The following FER1L5 variants were observed in gnomAD, a reference collection of about 807,000 sequenced individuals.
FER1L5 encodes fer-1-like protein 5.
Under a neutral mutation model 279.9 loss-of-function variants are expected in FER1L5, and 187 were observed. The ratio of observed to expected loss-of-function variants is 0.67; its 90% confidence interval spans 0.59 to 0.75. The LOEUF is 0.75. Ranked by LOEUF, FER1L5 falls within the 30% of genes least tolerant of loss-of-function variation. The probability of loss-of-function intolerance (pLI) is 0.00; values close to 1 mark genes in which losing one functional copy is unlikely to be tolerated. For synonymous variants in FER1L5, 921 were observed against 989.7 expected (o/e 0.93, Z 1.30); for missense variants, 2,091 against 2,594.4 (o/e 0.81, Z 4.21).
intron 19 of FER1L5, among the ~76,000 whole-genome samples, chr2:96,674,989 A>G (rs1296427482): frequency 1.3e-5 from 2 of 152,184 alleles, no homozygotes; most frequent in Non-Finnish European, 2.9e-5. Flanking sequence ...TTTCTTTTTA[A>G]TTCTTCACCT....
In FER1L5 at chr2:96,702,872, C is replaced by G; in HGVS notation, c.5398-106C>G. 3 of 1,529,490 alleles carry G rather than the reference C, an allele frequency of 2.0e-6. No individual in the cohort carries two copies. Among genetic ancestry groups the G allele is most frequent in the Non-Finnish European group, 1.8e-6 (2 of 1,130,716 alleles). 94.7% of individuals were successfully genotyped at this position (1,529,490 alleles called of 1,614,324 possible). ...TCAGAAACATGTCCTCAGGTGGAAA[C>G]CCTCTTCCTTGATAGTCTATCACTG... is the stretch of plus-strand genomic sequence containing the variant. On this transcript the variant is annotated intron_variant, in intron 48 of 52. Transcript: ENST00000624922. The surrounding 1 kb of genome is among the most constrained non-coding windows in gnomAD (Gnocchi z 4.0).
chr2:96,652,232 A>G, intron 7 of FER1L5: 1 of 617,896 alleles, frequency 1.6e-6, no homozygotes, highest in Admixed American at 3.0e-5. Context: ...GTGGGGGCAC[A>G]ACTCATGAAT....
Position 96,703,376 on chromosome 2 carries a change from GGCT to G in FER1L5, c.5691+34_5691+36del. On this transcript the variant is annotated intron_variant, in intron 50 of 52. Transcript: ENST00000624922. The stretch of plus-strand genomic sequence containing the variant: ...GAGCTGGGGAGTGTCTACTGATTAG[GGCT>G]GCTATGCCACATGTCCTGGCTCTAA... The G allele has an allele frequency of 2.5e-6, 4 of 1,599,752 alleles. No homozygotes were observed. The South Asian group carries it at 3.4e-5, about 14-fold the overall frequency.
At chr2:96,680,116 C>T (rs945226807) in intron 19 of FER1L5, among the ~76,000 whole-genome samples, 1 of 152,040 alleles carries the variant, frequency 6.6e-6, no homozygotes, top group African/African-American at 2.4e-5. Context: ...GTCACAGTTG[C>T]TTTTGGCAGT....
chr2:96,692,226 G>A, intron 31 of FER1L5, 45 bp downstream of exon 31: 2 of 1,543,782 alleles, frequency 1.3e-6, no homozygotes, highest in Non-Finnish European at 1.8e-6. Context: ...CAAGGCCTCA[G>A]GGAGGAGAGC....
intron 34 of FER1L5, 187 bp from the exon 35 acceptor site, chr2:96,695,322 G>A: frequency 2.7e-6 from 2 of 751,360 alleles, no homozygotes; most frequent in South Asian, 2.2e-5. Flanking sequence ...GGCAAGCACT[G>A]ATCCCTCACA....
chr2:96,673,089 C>T lies in FER1L5; in HGVS notation c.1504C>T (p.Arg502Cys), dbSNP rs973797788. 29 of 1,551,158 alleles carry T rather than the reference C, an allele frequency of 1.9e-5. No individual in the cohort carries two copies. The highest frequency in any genetic ancestry group is 2.4e-5 in the East Asian group (1 of 40,926). The change falls in exon 19 of 53, where the codon CGC becomes TGC. Residue 502 changes from arginine (R) to cysteine (C), a missense_variant. Coordinates refer to ENST00000624922, the MANE Select transcript of FER1L5 (RefSeq NM_001293083.2). ...EVTRIEKHQN[R>C]QKYGLCVIFL... ...GTTATTGTTTCAGAAGCACCAGAAC[C>T]GCCAAAAGTATGGGCTGTGCGTCAT...
chr2:96,673,258 A>G lies in FER1L5; in HGVS notation c.1669+4A>G. ...TACAGCCCAGTGATATATGATGGTAATTGTCAGATTCAGGCAATAAGTAGA... is the reference window on the plus strand; with the variant it reads ...TACAGCCCAGTGATATATGATGGTAGTTGTCAGATTCAGGCAATAAGTAGA... On this transcript the variant is annotated splice_donor_region_variant and intron_variant, in intron 19 of 52. Coordinates refer to ENST00000624922, the MANE Select transcript of FER1L5 (RefSeq NM_001293083.2). 1 of 1,546,766 alleles carries G rather than the reference A, an allele frequency of 6.5e-7. No homozygotes were observed. Among genetic ancestry groups the G allele is most frequent in the East Asian group, 2.4e-5 (1 of 40,820 alleles).
chr2:96,651,959 C>T lies in FER1L5; in HGVS notation c.572C>T (p.Ser191Phe). The T allele has an allele frequency of 6.4e-7, 1 of 1,551,916 alleles. No homozygotes were observed. The highest frequency in any genetic ancestry group is 8.7e-7 in the Non-Finnish European group (1 of 1,147,026). ...GNNIKPVVKV[S>F]IAGQQHQTRI... is the part of the protein sequence containing the mutation. ...AACATCAAACCAGTGGTGAAGGTGT[C>T]CATCGCAGGCCAGCAGCACCAGACA... is the stretch of plus-strand genomic sequence containing the variant. The change falls in exon 7 of 53, where the codon TCC (serine) becomes TTC (phenylalanine). Residue 191 changes from serine (S) to phenylalanine (F), a missense_variant. Physicochemically the swap from Ser to Phe is radical, Grantham distance 155 (BLOSUM62 -2). Transcript: ENST00000624922.
chr2:96,659,778 A>T (rs2075888438), intron 9 of FER1L5, among the ~76,000 whole-genome samples: 1 of 152,032 alleles, frequency 6.6e-6, no homozygotes, highest in African/African-American at 2.4e-5. Context: ...GGCGTGAGCC[A>T]CTGCGTCCGG....
In FER1L5 at chr2:96,662,222, C is replaced by G; in HGVS notation, c.1026C>G (p.His342Gln). ...YCAEDLHLKK[H>Q]QSVNPQLEVE... ...TTAACTTGTTGTTCATAGAGAAACA[C>G]CAGTCAGTGAATCCTCAGTTGGAGG... Residue 342 changes from histidine (H) to glutamine (Q), a missense_variant, in exon 13 of 53, where the codon CAC becomes CAG. Transcript: ENST00000624922. 6.4e-7 allele frequency: 1 copy of G among 1,551,478 alleles called. No homozygotes were observed. The highest frequency in any genetic ancestry group is 1.4e-5 in the African/African-American group (1 of 73,114).
chr2:96,693,886 T>C (rs1309864054), intron 32 of FER1L5, 25 bp from the exon 33 acceptor site: 1 of 1,529,326 alleles, frequency 6.5e-7, no homozygotes, highest in South Asian at 1.3e-5. Context: ...ATGGCCTCCA[T>C]GCTTTGTGAA....
intron 7 of FER1L5, 139 bp downstream of exon 7, chr2:96,652,159 C>A: frequency 8.2e-7 from 1 of 1,221,900 alleles, no homozygotes; most frequent in Non-Finnish European, 1.1e-6. Flanking sequence ...CTACTGAGGG[C>A]CAAGCACTGA....
At chr2:96,684,276 C>G in intron 19 of FER1L5, 51 bp from the exon 20 acceptor site, 2 of 1,535,230 alleles carry the variant, frequency 1.3e-6, no homozygotes, top group Non-Finnish European at 1.8e-6. Flanking sequence ...GAGAAGAGAC[C>G]TCCCAGAATC....
At chr2:96,695,039 C>T (rs2077313072) in intron 34 of FER1L5, 1 of 157,154 alleles carries the variant, frequency 6.4e-6, no homozygotes, top group African/African-American at 2.4e-5. Context: ...CAGGGTGCAG[C>T]TATTTCCTGG....
At chr2:96,703,411 T>C in intron 50 of FER1L5, 65 bp downstream of exon 50, 1 of 1,598,180 alleles carries the variant, frequency 6.3e-7, no homozygotes, top group African/African-American at 1.3e-5. Flanking sequence ...CTAACAGACA[T>C]CTAGGGACCT....
chr2:96,698,562 C>G lies in FER1L5; in HGVS notation c.4357-109C>G. 1 of 959,540 alleles carries G rather than the reference C, an allele frequency of 1.0e-6. No individual in the cohort carries two copies. The highest frequency in any genetic ancestry group is 1.6e-6 in the Non-Finnish European group (1 of 642,510). 59.4% of individuals were successfully genotyped at this position (959,540 alleles called of 1,614,324 possible). On this transcript the variant is annotated intron_variant, in intron 40 of 52. Coordinates refer to ENST00000624922, the MANE Select transcript of FER1L5 (RefSeq NM_001293083.2). This position sits in a 1 kb window ranked among gnomAD's most constrained non-coding sequence, Gnocchi z 5.5. ...CTCATGGCCTTCTATCCCTGCCACC[C>G]TCAGCCCAACCCTCTCTCTCCTGAA...
At position 96,699,971 on chromosome 2, in the gene FER1L5, C is replaced by G; in HGVS notation, c.4821C>G (p.Ser1607Arg). The change falls in exon 44 of 53, where the codon AGC (serine) becomes AGG (arginine). Residue 1607 changes from serine to arginine, a missense_variant. By Grantham distance (110) the Ser-to-Arg change is moderately radical. Coordinates refer to ENST00000624922, the MANE Select transcript of FER1L5 (RefSeq NM_001293083.2). The part of the protein sequence containing the change: ...PFRWRDQMPP[S>R]YLLERYAKRK... Reference sequence around the variant, plus strand: ...GATGGCGGGATCAGATGCCCCCAAGCTACCTCCTAGAACGCTATGCCAAGC... The same window carrying G: ...GATGGCGGGATCAGATGCCCCCAAGGTACCTCCTAGAACGCTATGCCAAGC... The G allele has an allele frequency of 6.2e-7, 1 of 1,613,960 alleles. No homozygotes were observed. The highest frequency in any genetic ancestry group is 1.1e-5 in the South Asian group (1 of 91,078).
chr2:96,700,489 C>T lies in FER1L5; in HGVS notation c.5070+18C>T. On this transcript the variant is annotated intron_variant, in intron 45 of 52. Coordinates refer to ENST00000624922, the MANE Select transcript of FER1L5 (RefSeq NM_001293083.2). ...TCGACCAGGTATGAGACTGGAGGGG[C>T]CACTCCTGGCTCCTACAGGAGGAGC... The T allele has an allele frequency of 6.2e-7, 1 of 1,612,104 alleles. No homozygotes were observed.
Sources: allele counts gnomAD v4.1 joint callset (sites outside exome capture counted in the v4.1 genomes callset), GRCh38; gene constraint gnomAD v4.1.1; non-coding constraint Gnocchi (gnomAD v3.1); transcripts MANE v1.5; gene names NCBI Gene and HGNC (gene_info 2026-07-23, HGNC 2026-07-21).